ROBO2: variants seen among roughly 807,000 people sequenced by gnomAD.
ROBO2 encodes roundabout homolog 2.
A neutral mutation model predicts 160.8 loss-of-function variants in ROBO2; 53 were observed. That is an observed-to-expected ratio of 0.33 (90% CI 0.26 to 0.41). The LOEUF (loss-of-function observed/expected upper bound fraction) is 0.41. ROBO2 is among the 10% of genes least tolerant of loss of function. ROBO2 has a pLI of 1.00. For missense variants in ROBO2, 1,577 were observed against 1,722.4 expected (o/e 0.92, Z 1.49); for synonymous variants, 664 against 611.7 (o/e 1.09, Z -1.26).
intron 1 of ROBO2, among the ~76,000 whole-genome samples, chr3:77,092,858 C>T (rs1330927858): frequency 6.6e-6 from 1 of 150,648 alleles, no homozygotes; most frequent in African/African-American, 2.4e-5. Context: ...AACTAATTTT[C>T]ATTTGAAATC....
chr3:76,565,498 G>C (rs545764282), intron 2 of ROBO2, among the ~76,000 whole-genome samples: 1 of 152,064 alleles, frequency 6.6e-6, no homozygotes, highest in African/African-American at 2.4e-5. Context: ...ACTGTCTGTC[G>C]TACCTATCTG....
chr3:76,346,827 C>T (rs927863158), intron 2 of ROBO2, among the ~76,000 whole-genome samples: 4 of 152,146 alleles, frequency 2.6e-5, no homozygotes, highest in African/African-American at 7.2e-5. Flanking sequence ...TGAGTGACAA[C>T]ATGAAAGCAA....
intron 2 of ROBO2, among the ~76,000 whole-genome samples, chr3:76,721,789 T>C (rs1347891580): frequency 1.3e-5 from 2 of 152,230 alleles, no homozygotes; most frequent in Non-Finnish European, 2.9e-5. Context: ...ATTTCAATCA[T>C]GCTAACAATC....
At chr3:76,746,771 T>A (rs545477265) in intron 2 of ROBO2, among the ~76,000 whole-genome samples, 2 of 152,288 alleles carry the variant, frequency 1.3e-5, no homozygotes, top group East Asian at 3.9e-4. Flanking sequence ...AAGCCCAGCA[T>A]GCATTAGCTG....
Position 76,148,913 on chromosome 3 carries a change from A to C in ROBO2, c.109+211311A>C, listed in dbSNP as rs192758844. Reference sequence around the variant, plus strand: ...AGTTACTTTCTAAATTATCTCATTCAGTCACATAGTTTTATTTTGAATAAA... The same window carrying C: ...AGTTACTTTCTAAATTATCTCATTCCGTCACATAGTTTTATTTTGAATAAA... On this transcript the variant is annotated intron_variant, in intron 2 of 26. Transcript: ENST00000487694. Among the ~76,000 whole-genome samples, 79 of 152,154 alleles carry C rather than the reference A, an allele frequency of 5.2e-4. No homozygotes were observed. The East Asian group carries it at 8.3e-3, about 16-fold the overall frequency.
chr3:77,465,127 T>G (rs2082638497), intron 2 of ROBO2, among the ~76,000 whole-genome samples: 1 of 152,126 alleles, frequency 6.6e-6, no homozygotes, highest in Admixed American at 6.6e-5. Flanking sequence ...AATTTTACTA[T>G]TTGTAGACAG....
intron 2 of ROBO2, among the ~76,000 whole-genome samples, chr3:77,358,853 A>C (rs568372563): frequency 2.6e-5 from 4 of 152,296 alleles, no homozygotes; most frequent in Admixed American, 2.0e-4. Flanking sequence ...AAGTCAAATA[A>C]GTTGTTGAAT....
At chr3:76,424,241 GAAC>G (rs2076118008) in intron 2 of ROBO2, among the ~76,000 whole-genome samples, 1 of 152,070 alleles carries the variant, frequency 6.6e-6, no homozygotes, top group Non-Finnish European at 1.5e-5. Context: ...GCAATGAATT[GAAC>G]AACTGACATT....
chr3:76,309,693 G>A (rs2071485557), intron 2 of ROBO2, among the ~76,000 whole-genome samples: 1 of 152,144 alleles, frequency 6.6e-6, no homozygotes, highest in South Asian at 2.1e-4. Context: ...TTCATGTATT[G>A]TGTCTCACTG....
At chr3:77,371,504 T>G (rs2071749142) in intron 2 of ROBO2, among the ~76,000 whole-genome samples, 1 of 152,196 alleles carries the variant, frequency 6.6e-6, no homozygotes, top group Admixed American at 6.5e-5. Context: ...AGGGCCTTAC[T>G]TACATACAAG....
At chr3:76,145,782 T>G (rs2071863713) in intron 2 of ROBO2, among the ~76,000 whole-genome samples, 1 of 152,080 alleles carries the variant, frequency 6.6e-6, no homozygotes, top group Non-Finnish European at 1.5e-5. Context: ...TTTTTCAAAC[T>G]AATTAGACAA....
chr3:76,841,283 G>T (rs2068234450), intron 2 of ROBO2, among the ~76,000 whole-genome samples: 1 of 152,156 alleles, frequency 6.6e-6, no homozygotes, highest in Admixed American at 6.5e-5. Flanking sequence ...CACTCACGGA[G>T]CTTCTGACTT....
At chr3:76,341,187 G>A (rs928640858) in intron 2 of ROBO2, among the ~76,000 whole-genome samples, 3 of 151,438 alleles carry the variant, frequency 2.0e-5, no homozygotes, top group Non-Finnish European at 2.9e-5. Flanking sequence ...ACTAACTACT[G>A]TAAGGAAAAA....
At chr3:76,718,311 C>A (rs577467926) in intron 2 of ROBO2, among the ~76,000 whole-genome samples, 1 of 152,310 alleles carries the variant, frequency 6.6e-6, no homozygotes, top group African/African-American at 2.4e-5. Flanking sequence ...TCATGTAATG[C>A]TAGCACAGAT....
At chr3:77,146,211 G>A (rs1009412679) in intron 2 of ROBO2, among the ~76,000 whole-genome samples, 4 of 152,142 alleles carry the variant, frequency 2.6e-5, no homozygotes, top group Non-Finnish European at 4.4e-5. Flanking sequence ...GGGTTTGGCC[G>A]CCCCCTGCTC....
chr3:76,458,740 A>G (rs1298583215), intron 2 of ROBO2, among the ~76,000 whole-genome samples: 7 of 152,120 alleles, frequency 4.6e-5, no homozygotes, highest in Non-Finnish European at 1.0e-4. Context: ...TAGGAGGGAA[A>G]AGGCACTTCT....
chr3:75,939,776 C>G lies in ROBO2; in HGVS notation c.109+2174C>G, dbSNP rs571056380. On this transcript the variant is annotated intron_variant, in intron 2 of 26. Coordinates refer to the ROBO2 transcript ENST00000487694. ...TAAATATTACCTTTTAACTTTTATG[C>G]AATTAAGCAGAATTTAAAAATAAAA... 6.5e-3 allele frequency among the ~76,000 whole-genome samples: 990 copies of G among 151,998 alleles called. 13 individuals are homozygous for G. The highest frequency in any genetic ancestry group is 0.023 in the African/African-American group (960 of 41,468).
exon 23 of ROBO2, chr3:77,622,280 A>T: frequency 6.2e-7 from 1 of 1,614,168 alleles, no homozygotes; most frequent in Non-Finnish European, 8.5e-7. Context: ...CCGTTAGGTT[A>T]TGTGTCTGGA....
intron 2 of ROBO2, among the ~76,000 whole-genome samples, chr3:77,359,575 T>G (rs967200698): frequency 1.3e-5 from 2 of 152,008 alleles, no homozygotes; most frequent in Non-Finnish European, 2.9e-5. Flanking sequence ...TGAGTCTGAG[T>G]GTGTTGTGGG....
Sources: gnomAD v4.1 joint callset for allele counts (sites outside exome capture counted in the v4.1 genomes callset) on GRCh38, gnomAD v4.1.1 for gene constraint, MANE v1.5 for transcripts, NCBI Gene and HGNC (gene_info 2026-07-23, HGNC 2026-07-21) for gene names.